Variants in ULK4 observed in about 807,000 individuals in gnomAD.
The protein encoded by ULK4 is unc-51 like kinase 4, also known as inactive serine/threonine-protein kinase ULK4.
A neutral mutation model predicts 160.6 loss-of-function variants in ULK4; 133 were observed. The ratio of observed to expected loss-of-function variants is 0.83; its 90% CI spans 0.72 to 0.96. ULK4 has a LOEUF of 0.96. Among genes scored for constraint, ULK4 ranks in the 40% least tolerant of loss-of-function variants. The pLI is 0.00. For missense variants in ULK4, 1,580 were observed against 1,499.5 expected, an observed-to-expected ratio of 1.05 and a Z score of -0.89; for synonymous variants, 534 against 539.8, an observed-to-expected ratio of 0.99 and a Z score of 0.15.
intron 30 of ULK4, among the ~76,000 whole-genome samples, chr3:41,654,276 T>C (rs1447400401): frequency 6.6e-6 from 1 of 152,222 alleles, no homozygotes; most frequent in Non-Finnish European, 1.5e-5. Flanking sequence ...CACATCCAAC[T>C]ATCAACATTT....
At chr3:41,564,266 G>A (rs1189977862) in intron 32 of ULK4, among the ~76,000 whole-genome samples, 1 of 151,930 alleles carries the variant, frequency 6.6e-6, no homozygotes, top group Admixed American at 6.6e-5. Context: ...TCATCCCAGA[G>A]GGGTACCTGC....
At chr3:41,642,600 T>C (rs1439194835) in intron 30 of ULK4, among the ~76,000 whole-genome samples, 11 of 152,218 alleles carry the variant, frequency 7.2e-5, no homozygotes, top group East Asian at 3.8e-4. Flanking sequence ...TGTTGGACAT[T>C]TGGATCAGTT....
At chr3:41,456,984 G>A (rs531946164) in intron 33 of ULK4, among the ~76,000 whole-genome samples, 2 of 152,160 alleles carry the variant, frequency 1.3e-5, no homozygotes, top group African/African-American at 4.8e-5. Context: ...TCATTAGCTC[G>A]GAGCTTCCCT....
At position 41,911,606 on chromosome 3, in the gene ULK4, T is replaced by C. The variant is rs1698788420; in HGVS notation, c.950A>G (p.Asn317Ser). The C allele has an allele frequency of 1.3e-5, 21 of 1,613,986 alleles. No individual in the cohort carries two copies. The highest frequency in any genetic ancestry group is 1.6e-4 in the Middle Eastern group (1 of 6,062). Residue 317 changes from asparagine to serine, a missense_variant, in exon 10 of 37, where the codon AAC (asparagine) becomes AGC (serine). Transcript: ENST00000301831. ...CCCTTTTGCTTGTCTACTCTGAGAG[T>C]TCTGCAAAAGCTCCTTGGAATCTTG... ...GPQDSKELLQ[N>S]SQSRQAKGHK...
chr3:41,538,782 C>T (rs2086597957), intron 32 of ULK4, among the ~76,000 whole-genome samples: 1 of 152,030 alleles, frequency 6.6e-6, no homozygotes, highest in Non-Finnish European at 1.5e-5. Context: ...TGATTTAATA[C>T]TGCATTTTTA....
At chr3:41,267,342 C>CT (rs1343492883) in intron 35 of ULK4, among the ~76,000 whole-genome samples, 1 of 152,110 alleles carries the variant, frequency 6.6e-6, no homozygotes, top group African/African-American at 2.4e-5. Flanking sequence ...AGGACATGAT[C>CT]TTATTCCTTT....
At chr3:41,544,193 C>T (rs58006056) in intron 32 of ULK4, among the ~76,000 whole-genome samples, 9,332 of 119,488 alleles carry the variant, frequency 0.078, 854 homozygotes, top group African/African-American at 0.22. Flanking sequence ...TTTGTTATTG[C>T]TATTTTATTG....
chr3:41,856,605 GTATATATATACACATATATATATATGTA>G (rs1559611413), intron 17 of ULK4, among the ~76,000 whole-genome samples: 6 of 70,586 alleles, frequency 8.5e-5, no homozygotes, highest in Non-Finnish European at 1.0e-4. Flanking sequence ...ATATATATGT[GTATATATATACACATATATATATATGTA>G]TATATATGTA....
At chr3:41,486,735 A>G (rs2084551668) in intron 32 of ULK4, among the ~76,000 whole-genome samples, 1 of 152,132 alleles carries the variant, frequency 6.6e-6, no homozygotes, top group South Asian at 2.1e-4. Context: ...ATTTCTGCAG[A>G]GGTTGTGGTT....
At chr3:41,437,420 T>C (rs528606943) in intron 34 of ULK4, among the ~76,000 whole-genome samples, 1 of 152,326 alleles carries the variant, frequency 6.6e-6, no homozygotes, top group South Asian at 2.1e-4. Flanking sequence ...GAAGCTAAAA[T>C]CACTATGTAG....
intron 35 of ULK4, among the ~76,000 whole-genome samples, chr3:41,291,981 C>CCACCATG (rs1356735538): frequency 6.6e-6 from 1 of 152,054 alleles, no homozygotes; most frequent in African/African-American, 2.4e-5. Context: ...CAGGCCCCCA[C>CCACCATG]CACCATGCCC....
intron 35 of ULK4, among the ~76,000 whole-genome samples, chr3:41,276,104 G>A (rs1008738299): frequency 2.6e-5 from 4 of 152,226 alleles, no homozygotes; most frequent in Non-Finnish European, 4.4e-5. Flanking sequence ...GAGAATATGT[G>A]TCTGTAAACA....
In ULK4 at chr3:41,478,672, C is replaced by A. The variant is rs189223241; in HGVS notation, c.3227-15419G>T. On this transcript the variant is annotated intron_variant, in intron 32 of 36. Transcript: ENST00000301831. ...ATGGGATAAACTCAATTATAAAATC[C>A]CTGAAAGGAGAAGTTTAACCCTTGA... Among the ~76,000 whole-genome samples, 808 of 152,148 alleles carry A rather than the reference C, an allele frequency of 5.3e-3. 8 individuals carry two copies. Among genetic ancestry groups the A allele is most frequent in the African/African-American group, 0.019 (780 of 41,498 alleles).
At chr3:41,910,828 T>G (rs1472733589) in intron 11 of ULK4, among the ~76,000 whole-genome samples, 2 of 151,996 alleles carry the variant, frequency 1.3e-5, no homozygotes, top group African/African-American at 4.8e-5. Flanking sequence ...CCAGGCATGG[T>G]GGCACACACC....
At chr3:41,602,467 T>A (rs1262659609) in intron 31 of ULK4, among the ~76,000 whole-genome samples, 6 of 151,688 alleles carry the variant, frequency 4.0e-5, no homozygotes, top group Admixed American at 1.3e-4. Flanking sequence ...GACAGAAAAC[T>A]AGAGAAAACT....
At chr3:41,618,133 C>T (rs2033067890) in intron 30 of ULK4, among the ~76,000 whole-genome samples, 1 of 151,912 alleles carries the variant, frequency 6.6e-6, no homozygotes, top group African/African-American at 2.4e-5. Flanking sequence ...GTGAAAAGAC[C>T]AAACCTATGA....
At chr3:41,279,683 T>A (rs2079312301) in intron 35 of ULK4, among the ~76,000 whole-genome samples, 1 of 152,202 alleles carries the variant, frequency 6.6e-6, no homozygotes, top group Admixed American at 6.5e-5. Context: ...GAATTTTCAA[T>A]CCAGAAATTC....
rs1248946475 is a variant in ULK4, at chr3:41,883,934, GT to G, written c.1595del (p.His532ProfsTer2). 1 of 1,610,320 alleles carries G rather than the reference GT, an allele frequency of 6.2e-7. No individual in the cohort carries two copies. Among genetic ancestry groups the G allele is most frequent in the Admixed American group, 1.7e-5 (1 of 60,022 alleles). On this transcript the variant is annotated frameshift_variant, in exon 17 of 37. Coordinates refer to ENST00000301831, the MANE Select transcript of ULK4 (RefSeq NM_017886.4). LOFTEE classifies it high-confidence loss of function. ...TGTGCGAAGCCAGTAAACCAATTAC[GT>G]GAGCAACCTTGGCCCGTCTGTAAAT... The part of the protein sequence containing the change: ...PNWDIRAKVA[H>X]VIGLLASHTA...
chr3:41,344,870 A>T (rs2080767154), intron 35 of ULK4, among the ~76,000 whole-genome samples: 1 of 151,946 alleles, frequency 6.6e-6, no homozygotes, highest in African/African-American at 2.4e-5. Context: ...TGGGAAAAAA[A>T]TTTTTCAATG....
Sources: gnomAD v4.1 joint callset for allele counts (sites outside exome capture counted in the v4.1 genomes callset) on GRCh38, gnomAD v4.1.1 for gene constraint, MANE v1.5 for transcripts, NCBI Gene and HGNC (gene_info 2026-07-23, HGNC 2026-07-21) for gene names.